SH3PXD2B: variants seen among roughly 807,000 people sequenced by gnomAD.
SH3PXD2B encodes the protein SH3 and PX domains 2B.
A neutral mutation model predicts 73.1 loss-of-function variants in SH3PXD2B; 37 were observed. The ratio of observed to expected loss-of-function variants is 0.51; its 90% CI spans 0.39 to 0.67. The LOEUF (loss-of-function observed/expected upper bound fraction) is 0.67. Among genes scored for constraint, SH3PXD2B ranks in the 30% least tolerant of loss-of-function variants. The pLI is 0.00. For synonymous variants in SH3PXD2B, 457 were observed against 480.5 expected, an observed-to-expected ratio of 0.95 and a Z score of 0.64; for missense variants, 1,053 against 1,197.8, an observed-to-expected ratio of 0.88 and a Z score of 1.78.
intron 1 of SH3PXD2B, among the ~76,000 whole-genome samples, chr5:172,444,431 CCTGA>C (rs1759615947): frequency 6.6e-6 from 1 of 152,300 alleles, no homozygotes; most frequent in African/African-American, 2.4e-5. Context: ...ATCCCAGAAT[CCTGA>C]CTAATACTCC....
chr5:172,415,847 G>A (rs993711590), intron 2 of SH3PXD2B, among the ~76,000 whole-genome samples: 1 of 152,204 alleles, frequency 6.6e-6, no homozygotes, highest in Admixed American at 6.5e-5. Flanking sequence ...CCGCACAGCT[G>A]GTAAGACAGA....
intron 1 of SH3PXD2B, among the ~76,000 whole-genome samples, chr5:172,438,939 T>TAAA (rs201933616): frequency 6.3e-5 from 9 of 142,854 alleles, no homozygotes; most frequent in Non-Finnish European, 9.2e-5. Flanking sequence ...TTAATGTCAT[T>TAAA]AAAAAAAAAA....
downstream of SH3PXD2B, among the ~76,000 whole-genome samples, chr5:172,329,612 A>G (rs1756518146): frequency 7.3e-6 from 1 of 136,514 alleles, no homozygotes; most frequent in Non-Finnish European, 1.5e-5. Flanking sequence ...ATCTCGGCTC[A>G]CTGCAAGCTC....
intron 1 of SH3PXD2B, among the ~76,000 whole-genome samples, chr5:172,434,478 C>T (rs555211758): frequency 8.5e-5 from 13 of 152,272 alleles, no homozygotes; most frequent in African/African-American, 2.6e-4. Flanking sequence ...TCCCCAGGGT[C>T]GGATGATGTG....
chr5:172,439,519 A>G (rs1361169495), intron 1 of SH3PXD2B, among the ~76,000 whole-genome samples: 1 of 152,102 alleles, frequency 6.6e-6, no homozygotes, highest in East Asian at 1.9e-4. Context: ...GACAGCTTCC[A>G]GGGCCATCAC....
At position 172,389,568 on chromosome 5, in the gene SH3PXD2B, CAAA is replaced by C. The variant is rs34351709; in HGVS notation, c.309+4992_309+4994del. Among the ~76,000 whole-genome samples the C allele has an allele frequency of 8.7e-5, 9 of 103,582 alleles. No homozygotes were observed. The South Asian group carries it at 2.2e-3, about 26-fold the overall frequency. The allele number at this position is 103,582 out of a possible 152,430, so 68.0% of individuals were successfully genotyped here. On this transcript the variant is annotated intron_variant, in intron 4 of 12. Coordinates refer to ENST00000311601, the MANE Select transcript of SH3PXD2B (RefSeq NM_001017995.3). The stretch of plus-strand genomic sequence containing the variant: ...CAACATGGTGAAACCTCATCTCTAC[CAAA>C]AAAAAAAAAAAAAAAAAATTGGTAT...
intron 1 of SH3PXD2B, among the ~76,000 whole-genome samples, chr5:172,439,714 A>G (rs1385013428): frequency 4.9e-4 from 74 of 151,760 alleles, no homozygotes; most frequent in Admixed American, 4.9e-3. Flanking sequence ...ACACACACAC[A>G]CACACACACA....
chr5:172,427,958 A>G (rs1214780879), intron 1 of SH3PXD2B, among the ~76,000 whole-genome samples: 1 of 151,872 alleles, frequency 6.6e-6, no homozygotes, highest in Non-Finnish European at 1.5e-5. Flanking sequence ...TTGTATTTTT[A>G]GTAGAGACGG....
At chr5:172,410,193 C>G (rs1758661041) in intron 2 of SH3PXD2B, among the ~76,000 whole-genome samples, 1 of 152,196 alleles carries the variant, frequency 6.6e-6, no homozygotes, top group Admixed American at 6.5e-5. Flanking sequence ...TGGAAGTTCT[C>G]TTTGCAGTGT....
At chr5:172,416,794 G>C (rs559755540) in intron 2 of SH3PXD2B, among the ~76,000 whole-genome samples, 1 of 137,346 alleles carries the variant, frequency 7.3e-6, no homozygotes, top group African/African-American at 2.7e-5. Flanking sequence ...CTGCAGCCTC[G>C]ACCTGCTAGG....
intron 9 of SH3PXD2B, 49 bp from the exon 10 acceptor site, chr5:172,350,638 G>T: frequency 6.5e-7 from 1 of 1,535,626 alleles, no homozygotes. Context: ...CAGGCCCAAG[G>T]GAAGAAGCCT....
Position 172,337,098 on chromosome 5 carries a change from A to G in SH3PXD2B, c.*1271T>C. On this transcript the variant is annotated 3_prime_UTR_variant, in exon 13 of 13. Coordinates refer to ENST00000311601, the MANE Select transcript of SH3PXD2B (RefSeq NM_001017995.3). The stretch of plus-strand genomic sequence containing the variant: ...TCCCCAGGGGGCAACAGCTTAGAAG[A>G]GGGAACAGGGCTCTGTGTCAACCAC... 1.2e-6 allele frequency: 1 copy of G among 862,728 alleles called. No individual in the cohort carries two copies. The highest frequency in any genetic ancestry group is 1.3e-6 in the Non-Finnish European group (1 of 777,036). 53.4% of individuals were successfully genotyped at this position (862,728 alleles called of 1,614,324 possible).
intron 5 of SH3PXD2B, 61 bp downstream of exon 5, chr5:172,381,975 C>T (rs1471326589): frequency 1.7e-5 from 24 of 1,371,476 alleles, no homozygotes; most frequent in Non-Finnish European, 2.2e-5. Flanking sequence ...TTGGGGGTGG[C>T]TGGACTGGCA....
intron 3 of SH3PXD2B, among the ~76,000 whole-genome samples, chr5:172,400,796 C>A (rs1758406392): frequency 6.6e-6 from 1 of 152,220 alleles, no homozygotes; most frequent in Admixed American, 6.5e-5. Flanking sequence ...CTTGTATTAA[C>A]TCCCATTTTG....
chr5:172,329,026 C>T (rs1334949001), downstream of SH3PXD2B, among the ~76,000 whole-genome samples: 4 of 78,604 alleles, frequency 5.1e-5, no homozygotes, highest in South Asian at 1.8e-3. Flanking sequence ...TACATATATA[C>T]ATATACGTAT....
At chr5:172,453,351 A>C (rs1264684977) in intron 1 of SH3PXD2B, among the ~76,000 whole-genome samples, 1 of 152,080 alleles carries the variant, frequency 6.6e-6, no homozygotes, top group Non-Finnish European at 1.5e-5. Context: ...GCCCTCCCCA[A>C]GGCCTCATGT....
intron 1 of SH3PXD2B, among the ~76,000 whole-genome samples, chr5:172,431,133 C>T (rs887092445): frequency 1.3e-5 from 2 of 152,196 alleles, no homozygotes; most frequent in African/African-American, 4.8e-5. Context: ...TCCCAAAGTG[C>T]TGGGATTACA....
rs1483806915 is a variant in SH3PXD2B, at chr5:172,338,459, GTTC to G, written c.2643_2645del (p.Lys881del). On this transcript the variant is annotated inframe_deletion, in exon 13 of 13. Transcript: ENST00000311601. This position sits in a 1 kb window ranked among gnomAD's most constrained non-coding sequence, Gnocchi z 5.1. ...CCTGGCAGAACCACCAGCCACTGCTGTTCTTCTCCCGGACTTCAAACACTGTCC... is the reference window on the plus strand; with the variant it reads ...CCTGGCAGAACCACCAGCCACTGCTGTTCTCCCGGACTTCAAACACTGTCC... The G allele has an allele frequency of 1.2e-6, 2 of 1,614,082 alleles. No homozygotes were observed. Among genetic ancestry groups the G allele is most frequent in the Non-Finnish European group, 1.7e-6 (2 of 1,180,048 alleles).
At position 172,348,679 on chromosome 5, in the gene SH3PXD2B, C is replaced by G. The variant is rs7736136; in HGVS notation, c.1013-1347G>C. 2.0e-4 allele frequency among the ~76,000 whole-genome samples: 26 copies of G among 129,440 alleles called. 1 individual carries two copies. Among genetic ancestry groups the G allele is most frequent in the African/African-American group, 7.2e-4 (25 of 34,516 alleles). 84.9% of individuals were successfully genotyped at this position (129,440 alleles called of 152,430 possible). A position where few individuals can be genotyped will look rare whatever the true frequency, so the allele number is the denominator to read the frequency against. On this transcript the variant is annotated intron_variant, in intron 10 of 12. Coordinates refer to ENST00000311601, the MANE Select transcript of SH3PXD2B (RefSeq NM_001017995.3). ...CCTATCTATCTATCTATCTATCTAT[C>G]TATCTATCTATCTATCTATCTATCT...
Sources: allele counts gnomAD v4.1 joint callset (sites outside exome capture counted in the v4.1 genomes callset), GRCh38; gene constraint gnomAD v4.1.1; non-coding constraint Gnocchi (gnomAD v3.1); transcripts MANE v1.5; gene names NCBI Gene and HGNC (gene_info 2026-07-23, HGNC 2026-07-21).